PCBP3: variants seen among roughly 807,000 people sequenced by gnomAD.
PCBP3 encodes the protein poly(rC) binding protein 3, also known as poly(rC)-binding protein 3.
PCBP3 carries 25 observed loss-of-function variants against 52.7 expected under a neutral mutation model. That is an observed-to-expected ratio of 0.47 (90% CI 0.35 to 0.66). The LOEUF (loss-of-function observed/expected upper bound fraction) is 0.66, where lower values mean the gene tolerates loss of function less well. Ranked by LOEUF, PCBP3 falls within the 30% of genes least tolerant of loss-of-function variation. The pLI, the probability that PCBP3 is intolerant of heterozygous loss-of-function variation, is 0.01. For synonymous variants in PCBP3, 162 were observed against 183.0 expected, an observed-to-expected ratio of 0.89 and a Z score of 0.93; for missense variants, 391 against 490.3, an observed-to-expected ratio of 0.80 and a Z score of 1.91.
At chr21:45,789,264 CATGT>C (rs1472740750) in intron 4 of PCBP3, among the ~76,000 whole-genome samples, 1 of 152,148 alleles carries the variant, frequency 6.6e-6, no homozygotes, top group Non-Finnish European at 1.5e-5. Flanking sequence ...TGTGTGATTG[CATGT>C]ATGTGTGTGA....
At chr21:45,816,360 A>C (rs2092954443) in intron 4 of PCBP3, among the ~76,000 whole-genome samples, 2 of 151,892 alleles carry the variant, frequency 1.3e-5, no homozygotes, top group African/African-American at 2.4e-5. Context: ...TTAAAACACA[A>C]ACACATTGTA....
intron 4 of PCBP3, among the ~76,000 whole-genome samples, chr21:45,787,544 G>A (rs886563426): frequency 4.6e-5 from 7 of 152,124 alleles, no homozygotes; most frequent in Admixed American, 2.0e-4. Context: ...GGTGTAAGCC[G>A]CTGTGCCTGG....
intron 17 of PCBP3, 47 bp downstream of exon 17, chr21:45,940,246 G>A (rs761915531): frequency 4.6e-5 from 71 of 1,542,744 alleles, no homozygotes; most frequent in Non-Finnish European, 5.5e-5. Context: ...AAAGGGACGC[G>A]CCAGCCGGCG....
At chr21:45,678,372 A>T (rs1364205348) in intron 2 of PCBP3, among the ~76,000 whole-genome samples, 2 of 152,094 alleles carry the variant, frequency 1.3e-5, no homozygotes, top group Non-Finnish European at 2.9e-5. Context: ...GCTGCCACAG[A>T]TGGTGATTCC....
intron 7 of PCBP3, among the ~76,000 whole-genome samples, chr21:45,900,029 C>T (rs771499202): frequency 2.0e-5 from 3 of 152,160 alleles, no homozygotes; most frequent in Non-Finnish European, 2.9e-5. Flanking sequence ...AGGGCTGGCC[C>T]GGGGGAAGTA....
intron 4 of PCBP3, among the ~76,000 whole-genome samples, chr21:45,795,523 A>T (rs1368912717): frequency 6.6e-6 from 1 of 152,186 alleles, no homozygotes; most frequent in Non-Finnish European, 1.5e-5. Context: ...GAATTTTGGA[A>T]TGCCTTTAAA....
rs1190931395 is a variant in PCBP3 at position 45,755,297 on chromosome 21, T to C, written c.-161-120T>C. Among the ~76,000 whole-genome samples the C allele has an allele frequency of 2.0e-5, 3 of 152,358 alleles. No individual in the cohort carries two copies. In the East Asian group the frequency reaches 5.8e-4, roughly 29 times the overall value. On this transcript the variant is annotated intron_variant, in intron 3 of 17. Transcript: ENST00000681687. Reference sequence around the variant, plus strand: ...TTTTTGATAAATATGCCACAATTTGTACATCCATTCACCTATTGATAGAAA... The same window carrying C: ...TTTTTGATAAATATGCCACAATTTGCACATCCATTCACCTATTGATAGAAA...
intron 4 of PCBP3, among the ~76,000 whole-genome samples, chr21:45,814,773 G>GTTGA (rs1269185454): frequency 7.3e-6 from 1 of 137,294 alleles, no homozygotes. Context: ...AGTGGTGAGT[G>GTTGA]GTGAGTGATG....
chr21:45,846,190 TTTAGGGACTTG>T lies in PCBP3; in HGVS notation c.-125-3763_-125-3753del, dbSNP rs1208239754. Among the ~76,000 whole-genome samples the T allele has an allele frequency of 2.6e-5, 4 of 152,344 alleles. No homozygotes were observed. In the East Asian group the frequency reaches 5.8e-4, roughly 22 times the overall value. The stretch of plus-strand genomic sequence containing the variant: ...CTGGTCTCATGGGGTTCCTTACCAA[TTTAGGGACTTG>T]TTAGGGAGATATCTAGAACTATATT... On this transcript the variant is annotated intron_variant, in intron 4 of 17. Coordinates refer to ENST00000681687, the MANE Select transcript of PCBP3 (RefSeq NM_001384156.1).
At chr21:45,768,217 C>G (rs951360000) in intron 4 of PCBP3, among the ~76,000 whole-genome samples, 1 of 152,206 alleles carries the variant, frequency 6.6e-6, no homozygotes, top group East Asian at 1.9e-4. Context: ...GAGGCCTAGC[C>G]CTGCGTGGGC....
intron 9 of PCBP3, among the ~76,000 whole-genome samples, chr21:45,903,156 GGTGGAGGCAT>G (rs547953151): frequency 7.2e-5 from 11 of 152,264 alleles, no homozygotes; most frequent in African/African-American, 2.2e-4. Flanking sequence ...AGCAGTGTCT[GGTGGAGGCAT>G]ATGGAGACTG....
chr21:45,752,236 G>A (rs2146349367), intron 3 of PCBP3, among the ~76,000 whole-genome samples: 1 of 151,990 alleles, frequency 6.6e-6, no homozygotes, highest in Non-Finnish European at 1.5e-5. Flanking sequence ...TACTTGTGTA[G>A]TTTAATTTTT....
At position 45,643,738 on chromosome 21, in the gene PCBP3, C is replaced by T. The variant is rs1487344720; in HGVS notation, c.-409C>T. 3 of 148,542 alleles carry T rather than the reference C, an allele frequency of 2.0e-5. No individual in the cohort carries two copies. The highest frequency in any genetic ancestry group is 1.3e-4 in the Admixed American group (2 of 14,960). 9.2% of individuals were successfully genotyped at this position (148,542 alleles called of 1,614,324 possible). Reference sequence around the variant, plus strand: ...GCCGCGACCGCCGCCTCAGCCGCCTCAGCCGCGGTCGCCGCCGCTTCGGCT... The same window carrying T: ...GCCGCGACCGCCGCCTCAGCCGCCTTAGCCGCGGTCGCCGCCGCTTCGGCT... On this transcript the variant is annotated 5_prime_UTR_variant, in exon 1 of 18. Transcript: ENST00000681687.
intron 2 of PCBP3, among the ~76,000 whole-genome samples, chr21:45,714,542 A>C (rs563504762): frequency 6.6e-6 from 1 of 152,358 alleles, no homozygotes; most frequent in Non-Finnish European, 1.5e-5. Context: ...TACATTTGAA[A>C]ATCATATAAC....
chr21:45,930,953 G>C, intron 15 of PCBP3, 108 bp downstream of exon 15: 1 of 1,485,074 alleles, frequency 6.7e-7, no homozygotes, highest in Non-Finnish European at 9.1e-7. Flanking sequence ...AGCTTCCATG[G>C]GAGGCTGTGG....
intron 15 of PCBP3, among the ~76,000 whole-genome samples, chr21:45,933,937 A>G (rs1179059371): frequency 6.6e-6 from 1 of 152,004 alleles, no homozygotes; most frequent in East Asian, 1.9e-4. Flanking sequence ...GAGGAACAGG[A>G]GCTGTGTGGC....
chr21:45,863,793 C>A (rs1033696769), intron 5 of PCBP3, among the ~76,000 whole-genome samples: 2 of 152,192 alleles, frequency 1.3e-5, no homozygotes, highest in East Asian at 1.9e-4. Flanking sequence ...GAGCGGTCCG[C>A]GGGCAGGACG....
chr21:45,908,776 C>G (rs1477578389), intron 9 of PCBP3, among the ~76,000 whole-genome samples: 1 of 152,202 alleles, frequency 6.6e-6, no homozygotes, highest in Admixed American at 6.5e-5. Flanking sequence ...AGCTCTGTCT[C>G]CTGGGTGTCA....
chr21:45,714,999 T>G (rs1015971732), intron 2 of PCBP3, among the ~76,000 whole-genome samples: 5 of 152,208 alleles, frequency 3.3e-5, no homozygotes, highest in Non-Finnish European at 5.9e-5. Flanking sequence ...GGACATTTGT[T>G]TTATTCACAT....
Sources: gnomAD v4.1 joint callset for allele counts (sites outside exome capture counted in the v4.1 genomes callset) on GRCh38, gnomAD v4.1.1 for gene constraint, MANE v1.5 for transcripts, NCBI Gene and HGNC (gene_info 2026-07-23, HGNC 2026-07-21) for gene names.